PIK3C2G: variants seen among roughly 807,000 people sequenced by gnomAD.
PIK3C2G encodes the protein phosphatidylinositol 3-kinase C2 domain-containing subunit gamma.
In PIK3C2G, 168 loss-of-function variants were observed where a neutral mutation model predicts 181.1. The ratio of observed to expected loss-of-function variants is 0.93; its 90% confidence interval spans 0.82 to 1.05. The LOEUF is 1.05. Ranked by LOEUF, PIK3C2G falls within the 50% of genes least tolerant of loss-of-function variation. The probability of loss-of-function intolerance (pLI) is 0.00; values close to 1 mark genes in which losing one functional copy is unlikely to be tolerated. For synonymous variants in PIK3C2G, 573 were observed against 592.2 expected (o/e 0.97, Z 0.47); for missense variants, 1,869 against 1,732.8 (o/e 1.08, Z -1.40).
rs112664618 is a variant in PIK3C2G at position 18,324,339 on chromosome 12, G to A, written c.1209-696G>A. 9.2e-3 allele frequency among the ~76,000 whole-genome samples: 1,399 copies of A among 152,242 alleles called. 24 individuals carry two copies. Among genetic ancestry groups the A allele is most frequent in the African/African-American group, 0.032 (1,346 of 41,548 alleles). ...CTGACAGAGGGACTCCAACTAAAGT[G>A]ATAATGTAGAAAAATGAGAATGCAG... On this transcript the variant is annotated intron_variant, in intron 7 of 32. Transcript: ENST00000538779.
the PIK3C2G span, chr12:18,684,300 A>T: frequency 1.3e-6 from 2 of 1,583,088 alleles, no homozygotes; most frequent in Middle Eastern, 1.7e-4. Flanking sequence ...AAAAAAGAAG[A>T]TACAAAGAAT....
the PIK3C2G span, among the ~76,000 whole-genome samples, chr12:18,699,513 T>G: frequency 6.6e-6 from 1 of 152,246 alleles, no homozygotes; most frequent in African/African-American, 2.4e-5. Context: ...ACTGCTCTCC[T>G]ATACAAGCTG....
At chr12:18,321,336 T>C (rs566489521) in intron 7 of PIK3C2G, among the ~76,000 whole-genome samples, 27 of 152,318 alleles carry the variant, frequency 1.8e-4, no homozygotes, top group African/African-American at 5.1e-4. Context: ...TTTGCATATG[T>C]CACTTAAGCT....
chr12:18,544,952 T>C (rs1944346148), intron 25 of PIK3C2G, among the ~76,000 whole-genome samples: 1 of 151,872 alleles, frequency 6.6e-6, no homozygotes, highest in Admixed American at 6.6e-5. Flanking sequence ...CTAACCAGTC[T>C]CCTAATCTAG....
In PIK3C2G at chr12:18,346,709, A is replaced by G; in HGVS notation, c.1498A>G (p.Ser500Gly). 1 of 1,613,332 alleles carries G rather than the reference A, an allele frequency of 6.2e-7. No homozygotes were observed. Among genetic ancestry groups the G allele is most frequent in the Non-Finnish European group, 8.5e-7 (1 of 1,179,366 alleles). ...IYQLINVYCN[S>G]FYADFQPVNV... ...CCAGCTAATCAATGTCTACTGTAAC[A>G]GCTTTTATGCAGATTTTCAGCCTGT... is the stretch of plus-strand genomic sequence containing the variant. Residue 500 changes from serine (S) to glycine (G), a missense_variant, in exon 11 of 33, where the codon AGC (serine) becomes GGC (glycine). Physicochemically the swap from Ser to Gly is moderately conservative, Grantham distance 56. Coordinates refer to ENST00000538779, the MANE Select transcript of PIK3C2G (RefSeq NM_001288772.2).
At chr12:18,367,446 ATTTTC>A (rs1473057901) in intron 12 of PIK3C2G, among the ~76,000 whole-genome samples, 1 of 152,086 alleles carries the variant, frequency 6.6e-6, no homozygotes, top group African/African-American at 2.4e-5. Context: ...TCACTCTAGT[ATTTTC>A]TTTATTTTTC....
At chr12:18,539,501 G>A (rs115565704) in intron 25 of PIK3C2G, among the ~76,000 whole-genome samples, 7,794 of 151,340 alleles carry the variant, frequency 0.051, 498 homozygotes, top group African/African-American at 0.15. Context: ...CTCTAGTCAC[G>A]TTTGTTTATA....
intron 11 of PIK3C2G, among the ~76,000 whole-genome samples, chr12:18,352,292 C>T (rs959764093): frequency 6.6e-6 from 1 of 152,214 alleles, no homozygotes; most frequent in African/African-American, 2.4e-5. Flanking sequence ...CAGTGTACTT[C>T]ATCCTTAACT....
At chr12:18,664,774 T>A in the PIK3C2G span, among the ~76,000 whole-genome samples, 2 of 151,168 alleles carry the variant, frequency 1.3e-5, no homozygotes, top group Admixed American at 6.6e-5. Context: ...CCAACAATGA[T>A]AGACTGGATT....
At chr12:18,683,437 T>A in the PIK3C2G span, 352 of 1,432,468 alleles carry the variant, frequency 2.5e-4, 2 homozygotes, top group African/African-American at 4.2e-3. Context: ...AAACCATGAC[T>A]ATAGAGTTAT....
At chr12:18,612,203 C>G (rs1948374679) in intron 31 of PIK3C2G, among the ~76,000 whole-genome samples, 1 of 152,040 alleles carries the variant, frequency 6.6e-6, no homozygotes, top group Non-Finnish European at 1.5e-5. Context: ...ATCTGCTACT[C>G]CATTTACCTA....
At chr12:18,498,692 G>T (rs1244561098) in intron 22 of PIK3C2G, among the ~76,000 whole-genome samples, 1 of 152,018 alleles carries the variant, frequency 6.6e-6, no homozygotes, top group Non-Finnish European at 1.5e-5. Context: ...CAACAGTTGA[G>T]ATTTTAGATG....
At chr12:18,340,367 G>T (rs965040584) in intron 9 of PIK3C2G, among the ~76,000 whole-genome samples, 1 of 152,030 alleles carries the variant, frequency 6.6e-6, no homozygotes, top group Non-Finnish European at 1.5e-5. Context: ...TGTCATCCTC[G>T]GCCACATGTG....
At chr12:18,281,979 T>C (rs1243171943) in intron 1 of PIK3C2G, 25 bp from the exon 2 acceptor site, 6 of 670,614 alleles carry the variant, frequency 8.9e-6, no homozygotes, top group African/African-American at 1.8e-5. Context: ...TCAATATATT[T>C]TCTTTCATTT....
At chr12:18,685,490 A>C in the PIK3C2G span, 1 of 218,306 alleles carries the variant, frequency 4.6e-6, no homozygotes, top group Non-Finnish European at 1.0e-5. Context: ...TTTGACTTAC[A>C]TTTCCAGAAG....
chr12:18,448,315 T>C (rs1344686773), intron 18 of PIK3C2G, among the ~76,000 whole-genome samples: 1 of 152,174 alleles, frequency 6.6e-6, no homozygotes, highest in African/African-American at 2.4e-5. Flanking sequence ...ATACACACAA[T>C]GATGTTTTGA....
chr12:18,389,352 C>CA (rs534886442), intron 14 of PIK3C2G, among the ~76,000 whole-genome samples: 31,024 of 116,462 alleles, frequency 0.27, 3,459 homozygotes, highest in Admixed American at 0.4. Flanking sequence ...GACTCCATCT[C>CA]AAAAAAAAAA....
chr12:18,518,671 C>A (rs552708189), intron 24 of PIK3C2G, among the ~76,000 whole-genome samples: 1 of 151,742 alleles, frequency 6.6e-6, no homozygotes, highest in Non-Finnish European at 1.5e-5. Context: ...TTAATTTTTT[C>A]AAAAAACAAG....
the PIK3C2G span, among the ~76,000 whole-genome samples, chr12:18,706,291 G>A: frequency 6.6e-6 from 1 of 151,016 alleles, no homozygotes; most frequent in Non-Finnish European, 1.5e-5. Context: ...GCTATAGAAA[G>A]TTATCTACGG....
Sources: allele counts gnomAD v4.1 joint callset (sites outside exome capture counted in the v4.1 genomes callset), GRCh38; gene constraint gnomAD v4.1.1; transcripts MANE v1.5; gene names NCBI Gene and HGNC (gene_info 2026-07-23, HGNC 2026-07-21).